Variants in ADGRF4 observed in about 807,000 individuals in gnomAD.
The protein encoded by ADGRF4 is adhesion G protein-coupled receptor F4, also known as G-protein coupled receptor PGR18.
A neutral mutation model predicts 58.5 loss-of-function variants in ADGRF4; 63 were observed. The ratio of observed to expected loss-of-function variants is 1.08; its 90% CI spans 0.88 to 1.33. ADGRF4 has a LOEUF of 1.33. Among genes scored for constraint, ADGRF4 ranks in the 40% most tolerant of loss-of-function variants. The pLI, the probability that ADGRF4 is intolerant of heterozygous loss-of-function variation, is 0.00. For synonymous variants in ADGRF4, 313 were observed against 295.4 expected (o/e 1.06, Z -0.61); for missense variants, 931 against 843.9 (o/e 1.10, Z -1.28).
intron 9 of ADGRF4, among the ~76,000 whole-genome samples, chr6:47,720,823 C>T (rs540753279): frequency 6.6e-6 from 1 of 152,124 alleles, no homozygotes; most frequent in Admixed American, 6.5e-5. Context: ...TTTCACTCCA[C>T]AATAATAAAT....
chr6:47,714,973 G>A lies in ADGRF4; in HGVS notation c.1728G>A (p.Val576=). The A allele has an allele frequency of 6.2e-7, 1 of 1,613,616 alleles. No individual in the cohort carries two copies. Among genetic ancestry groups the A allele is most frequent in the Non-Finnish European group, 8.5e-7 (1 of 1,179,530 alleles). Reference sequence around the variant, plus strand: ...TCATTGTGGCTGTAAATCTGATTGTGGTTTTGGTTGTTGCTGTCAACACTC... The same window carrying A: ...TCATTGTGGCTGTAAATCTGATTGTAGTTTTGGTTGTTGCTGTCAACACTC... ...AFVIVAVNLI[V]VLVVAVNTQR... The change falls in exon 6 of 10, where the codon GTG becomes GTA. Residue 576 remains valine, a synonymous_variant. Transcript: ENST00000283303.
chr6:47,709,849 G>GA (rs1771816585), intron 3 of ADGRF4, among the ~76,000 whole-genome samples: 1 of 147,530 alleles, frequency 6.8e-6, no homozygotes, highest in South Asian at 2.1e-4. Context: ...TAGCATCACA[G>GA]TTTTTTTTTT....
intron 2 of ADGRF4, 29 bp from the exon 3 acceptor site, chr6:47,708,195 G>T (rs773078500): frequency 1.3e-4 from 204 of 1,579,550 alleles, no homozygotes; most frequent in Non-Finnish European, 1.7e-4. Context: ...CCACAGTAAA[G>T]AGGACCATTG....
At position 47,699,575 on chromosome 6, in the gene ADGRF4, A is replaced by T. The variant is rs12661894; in HGVS notation, c.-17+781A>T. Among the ~76,000 whole-genome samples, 3,375 of 152,338 alleles carry T rather than the reference A, an allele frequency of 0.022. 242 individuals are homozygous for T. In the East Asian group the frequency reaches 0.23, roughly 11 times the overall value. ...TTGAAACCTATCAGAATCTGAATCC[A>T]GATTCCAATTTTTAGAAGAGATGCT... On this transcript the variant is annotated intron_variant, in intron 1 of 9. Transcript: ENST00000283303.
Position 47,698,762 on chromosome 6 carries a change from C to T in ADGRF4, c.-49C>T, listed in dbSNP as rs1422405514. ...GACCTTCCTGCTGGGTGATTCTCCA[C>T]CTCTGGGCTGCTAGATCTACTTCCT... On this transcript the variant is annotated 5_prime_UTR_variant, in exon 1 of 10. Coordinates refer to ENST00000283303, the MANE Select transcript of ADGRF4 (RefSeq NM_153838.5). 6.6e-6 allele frequency: 1 copy of T among 152,226 alleles called. No homozygotes were observed. Among genetic ancestry groups the T allele is most frequent in the Non-Finnish European group, 1.5e-5 (1 of 68,076 alleles). 9.4% of individuals were successfully genotyped at this position (152,226 alleles called of 1,614,324 possible). A position where few individuals can be genotyped will look rare whatever the true frequency, so the allele number is the denominator to read the frequency against.
intron 1 of ADGRF4, 111 bp from the exon 2 acceptor site, chr6:47,707,119 C>T: frequency 1.5e-6 from 1 of 680,802 alleles, no homozygotes; most frequent in Admixed American, 2.1e-5. Context: ...TTTGGCATGA[C>T]TATCTCAGAG....
At chr6:47,720,859 G>A (rs929548520) in intron 9 of ADGRF4, among the ~76,000 whole-genome samples, 4 of 152,298 alleles carry the variant, frequency 2.6e-5, no homozygotes, top group South Asian at 2.1e-4. Context: ...TATACCCGGA[G>A]GGAAGCAACA....
intron 1 of ADGRF4, among the ~76,000 whole-genome samples, chr6:47,706,179 G>A (rs1771705805): frequency 6.6e-6 from 1 of 152,080 alleles, no homozygotes. Context: ...GCCAATAAGG[G>A]GTCTGAATTG....
At chr6:47,718,997 G>A (rs1772097093) in intron 9 of ADGRF4, among the ~76,000 whole-genome samples, 1 of 152,196 alleles carries the variant, frequency 6.6e-6, no homozygotes, top group Non-Finnish European at 1.5e-5. Context: ...AGGTACTGGG[G>A]GAATGTGGGC....
At chr6:47,710,511 G>C (rs1771834587) in intron 3 of ADGRF4, among the ~76,000 whole-genome samples, 1 of 152,134 alleles carries the variant, frequency 6.6e-6, no homozygotes, top group African/African-American at 2.4e-5. Flanking sequence ...TAGCCTTTCT[G>C]AATGATGTGA....
At chr6:47,701,730 T>C (rs1771591409) in intron 1 of ADGRF4, among the ~76,000 whole-genome samples, 1 of 152,214 alleles carries the variant, frequency 6.6e-6, no homozygotes, top group Admixed American at 6.5e-5. Flanking sequence ...CAAATACATG[T>C]GTAGCCTAAG....
intron 4 of ADGRF4, among the ~76,000 whole-genome samples, chr6:47,711,865 T>G (rs769669650): frequency 4.7e-5 from 7 of 147,840 alleles, no homozygotes; most frequent in Admixed American, 6.8e-5. Context: ...CGAAAGTGAA[T>G]GAAAGGAAAT....
chr6:47,711,323 C>A (rs577153855), intron 4 of ADGRF4, among the ~76,000 whole-genome samples: 1 of 152,048 alleles, frequency 6.6e-6, no homozygotes, highest in Non-Finnish European at 1.5e-5. Flanking sequence ...AGTGCAGTGG[C>A]GCAATCTCAG....
chr6:47,711,813 C>A (rs890948943), intron 4 of ADGRF4, among the ~76,000 whole-genome samples: 2 of 152,118 alleles, frequency 1.3e-5, no homozygotes, highest in African/African-American at 2.4e-5. Flanking sequence ...TGTCACTTAG[C>A]CTAGGTAATC....
chr6:47,720,293 G>A (rs997775369), intron 9 of ADGRF4, among the ~76,000 whole-genome samples: 1 of 152,178 alleles, frequency 6.6e-6, no homozygotes, highest in Non-Finnish European at 1.5e-5. Context: ...TGGTGGTCCA[G>A]GGCAGGGCTG....
chr6:47,709,079 A>G (rs1374965255), intron 3 of ADGRF4, among the ~76,000 whole-genome samples: 1 of 152,222 alleles, frequency 6.6e-6, no homozygotes, highest in Non-Finnish European at 1.5e-5. Flanking sequence ...TTTGCAAACA[A>G]GGTTTGGCAA....
Position 47,710,769 on chromosome 6 carries a change from C to T in ADGRF4, c.183C>T (p.Asn61=). Residue 61 remains asparagine, a synonymous_variant, in exon 4 of 10, where the codon AAC becomes AAT. Transcript: ENST00000283303. The part of the protein sequence containing the change: ...KCEGPCISSS[N]CSQPCAKDFH... ...AAGGACCTTGTATTTCTTCTTCCAA[C>T]TGCAGCCAGCCCTGTGCTAAGGACT... The T allele has an allele frequency of 6.2e-7, 1 of 1,608,434 alleles. No individual in the cohort carries two copies. The highest frequency in any genetic ancestry group is 1.3e-5 in the African/African-American group (1 of 74,506).
chr6:47,712,869 C>T (rs769912416), intron 5 of ADGRF4, among the ~76,000 whole-genome samples: 93 of 152,244 alleles, frequency 6.1e-4, no homozygotes, highest in Non-Finnish European at 1.1e-3. Context: ...ATGAGCAAGA[C>T]GGAATGTACA....
intron 7 of ADGRF4, 70 bp downstream of exon 7, chr6:47,716,917 T>A (rs1230299214): frequency 3.7e-6 from 4 of 1,073,744 alleles, no homozygotes; most frequent in East Asian, 2.3e-5. Flanking sequence ...GATGAAGCAG[T>A]TTTGATTGGA....
Sources: allele counts gnomAD v4.1 joint callset (sites outside exome capture counted in the v4.1 genomes callset), GRCh38; gene constraint gnomAD v4.1.1; transcripts MANE v1.5; gene names NCBI Gene and HGNC (gene_info 2026-07-23, HGNC 2026-07-21).